PTCH1: variants seen among roughly 807,000 people sequenced by gnomAD.
PTCH1 encodes protein patched homolog 1.
Under a neutral mutation model 144.6 loss-of-function variants are expected in PTCH1, and 14 were observed. The observed-to-expected ratio is 0.10, with a 90% CI of 0.06 to 0.15. The LOEUF (loss-of-function observed/expected upper bound fraction) is 0.15. Among genes scored for constraint, PTCH1 ranks in the 10% least tolerant of loss-of-function variants. The pLI is 1.00. For missense variants in PTCH1, 1,623 were observed against 1,948.3 expected, an observed-to-expected ratio of 0.83 and a Z score of 3.14; for synonymous variants, 833 against 793.6, an observed-to-expected ratio of 1.05 and a Z score of -0.83.
At position 95,449,347 on chromosome 9, in the gene PTCH1, A is replaced by C. The variant is rs2136603488; in HGVS notation, c.3550-24T>G. ...ACCTATTTAAGGGGATTCCATGTTAAAAGTGTTCTTGTCCATTTACCTGCT... is the reference window on the plus strand; with the variant it reads ...ACCTATTTAAGGGGATTCCATGTTACAAGTGTTCTTGTCCATTTACCTGCT... On this transcript the variant is annotated intron_variant, in intron 21 of 23. Transcript: ENST00000331920. The surrounding 1 kb of genome is among the most constrained non-coding windows in gnomAD (Gnocchi z 5.3). 6.5e-7 allele frequency: 1 copy of C among 1,541,074 alleles called. No homozygotes were observed. The highest frequency in any genetic ancestry group is 8.7e-7 in the Non-Finnish European group (1 of 1,147,316).
rs1554694457 is a variant in PTCH1 at position 95,467,395 on chromosome 9, G to A, written c.2281C>T (p.Leu761=). ...VVVIFLFLGL[L]GVSLYGTTRV... is the part of the protein sequence containing the mutation. ...GTGGTGCCATAAAGGCTGACCCCCA[G>A]CAAGCCCAGAAAAAGGAAGATCACC... Residue 761 remains leucine, a synonymous_variant, in exon 15 of 24, where the codon CTG becomes TTG. Transcript: ENST00000331920. 6.2e-7 allele frequency: 1 copy of A among 1,614,172 alleles called. No individual in the cohort carries two copies. The highest frequency in any genetic ancestry group is 1.1e-5 in the South Asian group (1 of 91,088).
chr9:95,483,386 G>A (rs1418236228), intron 3 of PTCH1: 1 of 150,436 alleles, frequency 6.6e-6, no homozygotes, highest in East Asian at 1.9e-4. Flanking sequence ...CTGGAAGAGT[G>A]GGGATGGAAA....
At chr9:95,511,859 C>T (rs1363987727), upstream of PTCH1, among the ~76,000 whole-genome samples, 1 of 152,186 alleles carries the variant, frequency 6.6e-6, no homozygotes, top group East Asian at 1.9e-4. Flanking sequence ...GGTAGTACCC[C>T]TAGTTTTGCA....
chr9:95,498,430 TAC>T (rs1317670703), intron 2 of PTCH1, among the ~76,000 whole-genome samples: 1 of 152,150 alleles, frequency 6.6e-6, no homozygotes, highest in Non-Finnish European at 1.5e-5. Context: ...CCACCAACAA[TAC>T]AGTTTCCCTA....
At position 95,449,210 on chromosome 9, in the gene PTCH1, G is replaced by A. The variant is rs369771223; in HGVS notation, c.3663C>T (p.Ser1221=). ...TCGTCTGGGAACTATACTCCGAGTC[G>A]GAGGAATCAGACCCGCTGTGCGTGT... ...PGHTHSGSDS[S]DSEYSSQTTV... is the part of the protein sequence containing the mutation. Residue 1221 remains serine (S), a synonymous_variant, in exon 22 of 24, where the codon TCC becomes TCT. Coordinates refer to ENST00000331920, the MANE Select transcript of PTCH1 (RefSeq NM_000264.5). The surrounding 1 kb of genome is among the most constrained non-coding windows in gnomAD (Gnocchi z 5.3). 33 of 1,602,884 alleles carry A rather than the reference G, an allele frequency of 2.1e-5. No individual in the cohort carries two copies. Among genetic ancestry groups the A allele is most frequent in the South Asian group, 1.1e-4 (10 of 89,430 alleles).
Position 95,477,619 on chromosome 9 carries a change from A to G in PTCH1, c.1431T>C (p.Val477=), listed in dbSNP as rs147162848. The change falls in exon 10 of 24, where the codon GTT becomes GTC. Residue 477 remains valine, a synonymous_variant. Coordinates refer to ENST00000331920, the MANE Select transcript of PTCH1 (RefSeq NM_000264.5). ...CCAGTCCTGCAGCCACTGACAGTGCAACCAGCAGGACGCCAGCCAGCCCCA... is the reference window on the plus strand; with the variant it reads ...CCAGTCCTGCAGCCACTGACAGTGCGACCAGCAGGACGCCAGCCAGCCCCA... ...GAVGLAGVLL[V]ALSVAAGLGL... 3.3e-5 allele frequency: 53 copies of G among 1,614,114 alleles called. No homozygotes were observed. Among genetic ancestry groups the G allele is most frequent in the Non-Finnish European group, 4.4e-5 (52 of 1,180,046 alleles).
At chr9:95,481,088 C>T (rs530108161) in intron 5 of PTCH1, among the ~76,000 whole-genome samples, 5 of 152,306 alleles carry the variant, frequency 3.3e-5, no homozygotes, top group South Asian at 2.1e-4. Context: ...CAGCCTCTGC[C>T]ATCACCACCA....
At chr9:95,502,148 T>C (rs1287251064) in intron 2 of PTCH1, among the ~76,000 whole-genome samples, 1 of 152,182 alleles carries the variant, frequency 6.6e-6, no homozygotes, top group East Asian at 1.9e-4. Context: ...GCCTATGCTG[T>C]TCCTTCTGCC....
Position 95,485,889 on chromosome 9 carries a change from C to T in PTCH1, c.395-15G>A, listed in dbSNP as rs201595362. 4 of 1,614,054 alleles carry T rather than the reference C, an allele frequency of 2.5e-6. No homozygotes were observed. Among genetic ancestry groups the T allele is most frequent in the African/African-American group, 1.3e-5 (1 of 75,022 alleles). On this transcript the variant is annotated splice_polypyrimidine_tract_variant and intron_variant, in intron 2 of 23. Transcript: ENST00000331920. Reference sequence around the variant, plus strand: ...TCGTCCTCCAACTGACAAATATGTACAGGTTTAATTAGAATAGCAAAATCA... The same window carrying T: ...TCGTCCTCCAACTGACAAATATGTATAGGTTTAATTAGAATAGCAAAATCA...
rs71366293 is a variant in PTCH1, at chr9:95,508,364, T to TGCCGCCGCCGCCGCC, written c.-18_-4dup. 1.7e-6 allele frequency: 2 copies of TGCCGCCGCCGCCGCC among 1,153,990 alleles called. No individual in the cohort carries two copies. Among genetic ancestry groups the TGCCGCCGCCGCCGCC allele is most frequent in the African/African-American group, 3.3e-5 (2 of 60,652 alleles). 71.5% of individuals were successfully genotyped at this position (1,153,990 alleles called of 1,614,324 possible). A position where few individuals can be genotyped will look rare whatever the true frequency, so the allele number is the denominator to read the frequency against. ...GCGGCGTTACCAGCCGAGGCCATGT[T>TGCCGCCGCCGCCGCC]GCCGCCGCCGCCGCCGCCGCCGCGG... is the stretch of plus-strand genomic sequence containing the variant. On this transcript the variant is annotated 5_prime_UTR_variant, in exon 1 of 24. Coordinates refer to ENST00000331920, the MANE Select transcript of PTCH1 (RefSeq NM_000264.5).
chr9:95,480,284 TG>T (rs1289530952), intron 6 of PTCH1, 105 bp downstream of exon 6: 6 of 1,543,470 alleles, frequency 3.9e-6, no homozygotes, highest in South Asian at 1.1e-5. Context: ...AAGACGATCA[TG>T]GAGAATGAAA....
chr9:95,454,128 G>A (rs562278443), intron 19 of PTCH1, among the ~76,000 whole-genome samples: 1 of 152,222 alleles, frequency 6.6e-6, no homozygotes, highest in South Asian at 2.1e-4. Context: ...TGAGTGTATT[G>A]CAAGAAATAC....
intron 3 of PTCH1, 56 bp downstream of exon 3, chr9:95,485,629 C>T: frequency 6.2e-7 from 1 of 1,605,770 alleles, no homozygotes; most frequent in Non-Finnish European, 8.5e-7. Context: ...AAACCAGCAG[C>T]CTTCTCCCAC....
At chr9:95,510,971 A>AGGCG (rs1844122751), upstream of PTCH1, among the ~76,000 whole-genome samples, 1 of 149,812 alleles carries the variant, frequency 6.7e-6, no homozygotes, top group Non-Finnish European at 1.5e-5. Flanking sequence ...AGCCCAGGCG[A>AGGCG]GGCGCGCGCC....
intron 18 of PTCH1, among the ~76,000 whole-genome samples, chr9:95,457,580 T>A (rs991355365): frequency 6.6e-6 from 1 of 152,146 alleles, no homozygotes; most frequent in African/African-American, 2.4e-5. Flanking sequence ...ACACACAAAA[T>A]CATTTTCTCC....
At chr9:95,513,055 C>A (rs1053619497), upstream of PTCH1, among the ~76,000 whole-genome samples, 5 of 152,290 alleles carry the variant, frequency 3.3e-5, no homozygotes, top group African/African-American at 1.2e-4. Context: ...TTCTCTGTTC[C>A]AATACTACAA....
At chr9:95,509,823 G>A (rs1207648415), upstream of PTCH1, among the ~76,000 whole-genome samples, 1 of 152,180 alleles carries the variant, frequency 6.6e-6, no homozygotes, top group East Asian at 1.9e-4. Context: ...GTGTGTGCCA[G>A]ATTTTTTTTT....
At chr9:95,505,447 GA>G (rs994936014) in intron 2 of PTCH1, among the ~76,000 whole-genome samples, 3 of 152,068 alleles carry the variant, frequency 2.0e-5, no homozygotes, top group Non-Finnish European at 4.4e-5. Context: ...ACCAGCGGGG[GA>G]AAAAAATTGA....
intron 14 of PTCH1, among the ~76,000 whole-genome samples, chr9:95,467,760 C>T (rs372421278): frequency 3.3e-5 from 5 of 151,980 alleles, no homozygotes; most frequent in Non-Finnish European, 5.9e-5. Flanking sequence ...TGCACCACCA[C>T]GCCTGGCTAT....
Sources: allele counts gnomAD v4.1 joint callset (sites outside exome capture counted in the v4.1 genomes callset), GRCh38; gene constraint gnomAD v4.1.1; non-coding constraint Gnocchi (gnomAD v3.1); transcripts MANE v1.5; gene names NCBI Gene and HGNC (gene_info 2026-07-23, HGNC 2026-07-21).